RAD54L: variants seen among roughly 807,000 people sequenced by gnomAD.
RAD54L encodes the protein DNA repair and recombination protein RAD54-like.
RAD54L carries 74 observed loss-of-function variants against 91.6 expected under a neutral mutation model. The observed-to-expected ratio is 0.81, with a 90% confidence interval of 0.67 to 0.98. RAD54L has a LOEUF of 0.98. Among genes scored for constraint, RAD54L ranks in the 50% least tolerant of loss-of-function variants. RAD54L has a pLI of 0.00. For synonymous variants in RAD54L, 304 were observed against 349.7 expected, an observed-to-expected ratio of 0.87 and a Z score of 1.46; for missense variants, 887 against 945.7, an observed-to-expected ratio of 0.94 and a Z score of 0.81.
At chr1:46,269,280 A>T (rs1167556380) in intron 9 of RAD54L, among the ~76,000 whole-genome samples, 1 of 148,546 alleles carries the variant, frequency 6.7e-6, no homozygotes, top group Non-Finnish European at 1.5e-5. Flanking sequence ...AAGTCTTGAT[A>T]TCCATTAGTG....
intron 10 of RAD54L, among the ~76,000 whole-genome samples, chr1:46,271,472 A>G (rs748727785): frequency 6.6e-6 from 1 of 152,176 alleles, no homozygotes; most frequent in Middle Eastern, 3.2e-3. Flanking sequence ...CCTGGCCAAC[A>G]TGGGGAAACT....
In RAD54L at chr1:46,273,224, AG is replaced by A. The variant is rs1303899967; in HGVS notation, c.1376-129del. 7 of 818,834 alleles carry A rather than the reference AG, an allele frequency of 8.5e-6. No homozygotes were observed. In the Admixed American group the frequency reaches 8.7e-5, roughly 10 times the overall value. The allele number at this position is 818,834 out of a possible 1,614,324, so 50.7% of individuals were successfully genotyped here. ...CGACTATATCCTGTTGGAATTTGGT[AG>A]GATGAAGATCAAGCAAGTCTGATGT... On this transcript the variant is annotated intron_variant, in intron 12 of 17. Coordinates refer to ENST00000371975, the MANE Select transcript of RAD54L (RefSeq NM_003579.4).
intron 3 of RAD54L, among the ~76,000 whole-genome samples, chr1:46,258,028 TTATTTA>T (rs1227099946): frequency 3.3e-5 from 5 of 152,038 alleles, no homozygotes; most frequent in Admixed American, 3.3e-4. Context: ...ATCATTATTT[TTATTTA>T]TATTTTTAAA....
rs904235336 is a variant in RAD54L, at chr1:46,248,377, A to G, written c.-29A>G. ...TGCTTTTGACCTTTGGCTCATGGGT[A>G]CTTGACGTTTTAAACTCCTAGGCCC... On this transcript the variant is annotated 5_prime_UTR_variant, in exon 1 of 18. Coordinates refer to ENST00000371975, the MANE Select transcript of RAD54L (RefSeq NM_003579.4). The G allele has an allele frequency of 4.3e-6, 7 of 1,613,072 alleles. No homozygotes were observed. The African/African-American group carries it at 5.3e-5, about 12-fold the overall frequency.
chr1:46,267,955 A>G (rs1274321587), intron 9 of RAD54L, among the ~76,000 whole-genome samples: 5 of 152,230 alleles, frequency 3.3e-5, no homozygotes, highest in African/African-American at 1.2e-4. Context: ...TGTCTTGGGC[A>G]GACGTGTGTG....
intron 3 of RAD54L, among the ~76,000 whole-genome samples, chr1:46,255,151 T>C (rs1176337864): frequency 6.6e-6 from 1 of 152,196 alleles, no homozygotes; most frequent in Non-Finnish European, 1.5e-5. Context: ...CTATATAACT[T>C]ACTAGAAGTT....
chr1:46,251,905 C>T (rs1414536665), intron 3 of RAD54L, among the ~76,000 whole-genome samples: 3 of 152,082 alleles, frequency 2.0e-5, no homozygotes, highest in African/African-American at 4.8e-5. Flanking sequence ...AGCGAGACCC[C>T]GTCTCAAAAG....
rs750799250 is a variant in RAD54L, at chr1:46,278,470, G to A, written c.*188G>A. 11 of 740,968 alleles carry A rather than the reference G, an allele frequency of 1.5e-5. No individual in the cohort carries two copies. The highest frequency in any genetic ancestry group is 2.4e-5 in the Non-Finnish European group (11 of 451,262). 45.9% of individuals were successfully genotyped at this position (740,968 alleles called of 1,614,324 possible). A position where few individuals can be genotyped will look rare whatever the true frequency, so the allele number is the denominator to read the frequency against. On this transcript the variant is annotated 3_prime_UTR_variant, in exon 18 of 18. Coordinates refer to ENST00000371975, the MANE Select transcript of RAD54L (RefSeq NM_003579.4). ...AAAAAAAAGAATAAAGGTATGAAAG[G>A]GTTTGAGGCCTGAGAGCAGTGTGGT...
At chr1:46,255,260 G>A (rs1183311902) in intron 3 of RAD54L, among the ~76,000 whole-genome samples, 1 of 152,174 alleles carries the variant, frequency 6.6e-6, no homozygotes, top group Non-Finnish European at 1.5e-5. Flanking sequence ...CTAGTAGAGA[G>A]GGAGAGGTTG....
chr1:46,257,162 A>C (rs1438769839), intron 3 of RAD54L, among the ~76,000 whole-genome samples: 4 of 151,536 alleles, frequency 2.6e-5, no homozygotes, highest in South Asian at 2.1e-4. Flanking sequence ...AAAAAAAAAA[A>C]ACCCCAAAAA....
At chr1:46,254,885 T>C (rs1019511207) in intron 3 of RAD54L, among the ~76,000 whole-genome samples, 6 of 151,902 alleles carry the variant, frequency 3.9e-5, no homozygotes, top group Non-Finnish European at 8.8e-5. Context: ...CTGCAGCCGG[T>C]TGGGAGCATT....
intron 16 of RAD54L, chr1:46,277,543 C>A: frequency 2.0e-6 from 1 of 501,172 alleles, no homozygotes; most frequent in Non-Finnish European, 3.6e-6. Flanking sequence ...GCAGACAAAC[C>A]TCAGTTCACC....
chr1:46,248,725 G>A, intron 2 of RAD54L, 127 bp downstream of exon 2: 1 of 812,692 alleles, frequency 1.2e-6, no homozygotes. Context: ...AACTTTTAGT[G>A]AGTACTTACT....
At chr1:46,249,745 C>T (rs1659746933) in intron 2 of RAD54L, among the ~76,000 whole-genome samples, 1 of 152,096 alleles carries the variant, frequency 6.6e-6, no homozygotes, top group Non-Finnish European at 1.5e-5. Flanking sequence ...TCTTCAGAGG[C>T]CCATTTTATT....
chr1:46,276,928 C>A (rs1193198611), intron 16 of RAD54L, among the ~76,000 whole-genome samples: 4 of 152,148 alleles, frequency 2.6e-5, no homozygotes, highest in Non-Finnish European at 5.9e-5. Context: ...TCCTGAGTAG[C>A]TGGGATTACA....
At chr1:46,267,804 G>C in intron 9 of RAD54L, 195 bp downstream of exon 9, 4 of 708,272 alleles carry the variant, frequency 5.6e-6, no homozygotes, top group Non-Finnish European at 9.6e-6. Flanking sequence ...ACTCAGCAAA[G>C]CCCATGTTGG....
chr1:46,255,492 C>CTTTTT (rs869103738), intron 3 of RAD54L, among the ~76,000 whole-genome samples: 3 of 80,836 alleles, frequency 3.7e-5, no homozygotes, highest in Non-Finnish European at 7.3e-5. Flanking sequence ...TTGGCCATTC[C>CTTTTT]TTTTTTTTTT....
At position 46,260,109 on chromosome 1, in the gene RAD54L, C is replaced by CT; in HGVS notation, c.407+11dup. On this transcript the variant is annotated intron_variant, in intron 5 of 17. Coordinates refer to ENST00000371975, the MANE Select transcript of RAD54L (RefSeq NM_003579.4). The stretch of plus-strand genomic sequence containing the variant: ...AGCTGAAGCTTGACAAGTATGTGCA[C>CT]TGGTATTTCATAAGCAGTTTTGGTT... 6.2e-7 allele frequency: 1 copy of CT among 1,614,206 alleles called. No individual in the cohort carries two copies. The highest frequency in any genetic ancestry group is 8.5e-7 in the Non-Finnish European group (1 of 1,180,048).
At chr1:46,272,002 T>TG (rs1660441745) in intron 10 of RAD54L, among the ~76,000 whole-genome samples, 1 of 149,522 alleles carries the variant, frequency 6.7e-6, no homozygotes, top group Non-Finnish European at 1.5e-5. Context: ...CTGATACAGA[T>TG]GTGTTTGACA....
Sources: gnomAD v4.1 joint callset for allele counts (sites outside exome capture counted in the v4.1 genomes callset) on GRCh38, gnomAD v4.1.1 for gene constraint, MANE v1.5 for transcripts, NCBI Gene and HGNC (gene_info 2026-07-23, HGNC 2026-07-21) for gene names.